The following WASHC5 variants were observed in gnomAD, a reference collection of about 807,000 sequenced individuals.
WASHC5 encodes WASH complex subunit strumpellin.
In WASHC5, 101 loss-of-function variants were observed where a neutral mutation model predicts 150.4. That is an observed-to-expected ratio of 0.67 (90% CI 0.57 to 0.79). The LOEUF is 0.79. Among genes scored for constraint, WASHC5 ranks in the 30% least tolerant of loss-of-function variants. The probability of loss-of-function intolerance (pLI) is 0.00; values close to 1 mark genes in which losing one functional copy is unlikely to be tolerated. For synonymous variants in WASHC5, 467 were observed against 491.2 expected, an observed-to-expected ratio of 0.95 and a Z score of 0.65; for missense variants, 1,195 against 1,396.3, an observed-to-expected ratio of 0.86 and a Z score of 2.30.
At chr8:125,030,917 C>G (rs1312845342) in intron 27 of WASHC5, among the ~76,000 whole-genome samples, 2 of 152,148 alleles carry the variant, frequency 1.3e-5, no homozygotes, top group African/African-American at 4.8e-5. Flanking sequence ...AGACCTAAGA[C>G]AACAGATGGC....
intron 24 of WASHC5, 72 bp downstream of exon 24, chr8:125,039,723 T>A: frequency 3.0e-6 from 3 of 1,008,452 alleles, no homozygotes; most frequent in Non-Finnish European, 4.8e-6. Flanking sequence ...GAGTAAGAAC[T>A]GAAGAAACTG....
At chr8:125,088,027 T>C (rs1322925643) in intron 1 of WASHC5, among the ~76,000 whole-genome samples, 1 of 152,146 alleles carries the variant, frequency 6.6e-6, no homozygotes, top group Non-Finnish European at 1.5e-5. Flanking sequence ...GCAAGCAGTA[T>C]GGATATCTGG....
At chr8:125,086,836 G>T (rs1817435003) in intron 1 of WASHC5, among the ~76,000 whole-genome samples, 1 of 152,188 alleles carries the variant, frequency 6.6e-6, no homozygotes, top group Non-Finnish European at 1.5e-5. Flanking sequence ...TGCTGAGAGG[G>T]AAAAGTCCTG....
chr8:125,030,397 C>G (rs1218588842), intron 27 of WASHC5, among the ~76,000 whole-genome samples: 3 of 152,104 alleles, frequency 2.0e-5, no homozygotes, highest in Non-Finnish European at 2.9e-5. Context: ...AATCTTGTTT[C>G]TGAAGCAAGT....
chr8:125,054,038 A>G (rs936799313), intron 17 of WASHC5, among the ~76,000 whole-genome samples: 16 of 152,226 alleles, frequency 1.1e-4, no homozygotes, highest in Non-Finnish European at 8.8e-5. Context: ...TAAATACACC[A>G]CGGTGCATTC....
At chr8:125,061,852 A>G (rs1816604746) in intron 11 of WASHC5, among the ~76,000 whole-genome samples, 1 of 152,192 alleles carries the variant, frequency 6.6e-6, no homozygotes, top group Non-Finnish European at 1.5e-5. Context: ...GGGAGGTGGA[A>G]ATTGTTAGCC....
At chr8:125,088,686 C>A (rs1418768446) in intron 1 of WASHC5, among the ~76,000 whole-genome samples, 1 of 152,016 alleles carries the variant, frequency 6.6e-6, no homozygotes, top group Admixed American at 6.5e-5. Context: ...CAGATAAGAC[C>A]ATAGCTCCTT....
intron 9 of WASHC5, among the ~76,000 whole-genome samples, chr8:125,072,237 G>A (rs1050440918): frequency 2.0e-5 from 3 of 151,366 alleles, no homozygotes; most frequent in African/African-American, 7.3e-5. Flanking sequence ...CCAGCTGCTT[G>A]CGGGGATTGC....
intron 12 of WASHC5, among the ~76,000 whole-genome samples, chr8:125,060,380 G>A (rs1306622981): frequency 6.6e-6 from 1 of 151,968 alleles, no homozygotes; most frequent in Non-Finnish European, 1.5e-5. Context: ...CAGCTACCCA[G>A]GAGGCTGAGG....
At chr8:125,039,595 TGA>T (rs1025993884) in intron 24 of WASHC5, among the ~76,000 whole-genome samples, 198 bp downstream of exon 24, 1 of 152,024 alleles carries the variant, frequency 6.6e-6, no homozygotes, top group East Asian at 1.9e-4. Flanking sequence ...AGAGAGTGAG[TGA>T]GAGACAGAGA....
At chr8:125,061,671 A>T (rs1586365262) in intron 11 of WASHC5, among the ~76,000 whole-genome samples, 1 of 152,328 alleles carries the variant, frequency 6.6e-6, no homozygotes, top group East Asian at 1.9e-4. Flanking sequence ...ACAGAAGTGT[A>T]AGGTGTGACT....
intron 14 of WASHC5, 94 bp downstream of exon 14, chr8:125,059,128 A>G: frequency 3.2e-6 from 3 of 926,860 alleles, no homozygotes; most frequent in Non-Finnish European, 5.3e-6. Context: ...TTACCTTCCT[A>G]AAAGGATAAA....
At chr8:125,064,393 T>A (rs904169201) in intron 10 of WASHC5, among the ~76,000 whole-genome samples, 17 of 150,304 alleles carry the variant, frequency 1.1e-4, no homozygotes, top group Non-Finnish European at 4.4e-5. Context: ...TTATTTTTTT[T>A]TTTTTTGCAG....
At chr8:125,089,573 A>G (rs1375545817) in intron 1 of WASHC5, among the ~76,000 whole-genome samples, 2 of 152,184 alleles carry the variant, frequency 1.3e-5, no homozygotes, top group Non-Finnish European at 2.9e-5. Context: ...TGGCTACCCG[A>G]TTTGGGATAC....
At chr8:125,047,444 GTTT>G (rs796685951) in intron 19 of WASHC5, 113 bp from the exon 20 acceptor site, 16 of 862,836 alleles carry the variant, frequency 1.9e-5, no homozygotes, top group Non-Finnish European at 2.2e-5. Context: ...AATAAAGGTT[GTTT>G]TTTTTTTTTA....
At position 125,024,569 on chromosome 8, in the gene WASHC5, T is replaced by C. The variant is rs370312669; in HGVS notation, c.*48A>G. 6.9e-5 allele frequency: 91 copies of C among 1,322,312 alleles called. No homozygotes were observed. The highest frequency in any genetic ancestry group is 9.5e-5 in the Non-Finnish European group (87 of 913,866). 81.9% of individuals were successfully genotyped at this position (1,322,312 alleles called of 1,614,324 possible). On this transcript the variant is annotated 3_prime_UTR_variant, in exon 29 of 29. Coordinates refer to ENST00000318410, the MANE Select transcript of WASHC5 (RefSeq NM_014846.4). ...TCATCTTCAAATTCATTTGTGATGG[T>C]GGGAAGATCTAAGGACAATCCTTCC...
At position 125,059,934 on chromosome 8, in the gene WASHC5, C is replaced by T. The variant is rs550972271; in HGVS notation, c.1522-392G>A. On this transcript the variant is annotated intron_variant, in intron 12 of 28. Coordinates refer to ENST00000318410, the MANE Select transcript of WASHC5 (RefSeq NM_014846.4). ...CATTTGAGATTTACAAAGTTGTTTACGATCATATTATAGACTAAAAAAATC... is the reference window on the plus strand; with the variant it reads ...CATTTGAGATTTACAAAGTTGTTTATGATCATATTATAGACTAAAAAAATC... 3.7e-4 allele frequency among the ~76,000 whole-genome samples: 57 copies of T among 152,096 alleles called. 1 individual carries two copies. In the South Asian group the frequency reaches 8.1e-3, roughly 22 times the overall value.
chr8:125,085,258 G>A (rs140249117), intron 1 of WASHC5, among the ~76,000 whole-genome samples: 1 of 152,256 alleles, frequency 6.6e-6, no homozygotes, highest in East Asian at 1.9e-4. Flanking sequence ...TGTTCTGTTG[G>A]GAAAGGTATT....
At chr8:125,046,652 T>C (rs1386826826) in intron 20 of WASHC5, among the ~76,000 whole-genome samples, 1 of 152,174 alleles carries the variant, frequency 6.6e-6, no homozygotes, top group African/African-American at 2.4e-5. Context: ...GCCTATAAGA[T>C]TGCTGTAAAT....
Sources: allele counts gnomAD v4.1 joint callset (sites outside exome capture counted in the v4.1 genomes callset), GRCh38; gene constraint gnomAD v4.1.1; transcripts MANE v1.5; gene names NCBI Gene and HGNC (gene_info 2026-07-23, HGNC 2026-07-21).